Variants in POLK observed in about 807,000 individuals in gnomAD.
The protein encoded by POLK is DNA polymerase kappa.
Under a neutral mutation model 94.0 loss-of-function variants are expected in POLK, and 76 were observed. The ratio of observed to expected loss-of-function variants is 0.81; its 90% CI spans 0.67 to 0.98. The LOEUF is 0.98. POLK is among the 50% of genes least tolerant of loss of function. The pLI, the probability that POLK is intolerant of heterozygous loss-of-function variation, is 0.00. For missense variants in POLK, 954 were observed against 1,010.1 expected (o/e 0.94, Z 0.75); for synonymous variants, 349 against 325.4 (o/e 1.07, Z -0.78).
intron 1 of POLK, among the ~76,000 whole-genome samples, chr5:75,542,913 A>G (rs1421940989): frequency 6.7e-6 from 1 of 148,152 alleles, no homozygotes; most frequent in African/African-American, 2.5e-5. Context: ...GGGTTTCACC[A>G]TATTGGCCAG....
At chr5:75,577,125 A>G (rs1039270860) in intron 6 of POLK, among the ~76,000 whole-genome samples, 192 bp downstream of exon 6, 1 of 152,238 alleles carries the variant, frequency 6.6e-6, no homozygotes, top group Non-Finnish European at 1.5e-5. Context: ...GGAATATCAC[A>G]TATAAACAAA....
intron 2 of POLK, among the ~76,000 whole-genome samples, chr5:75,549,717 T>C (rs551731073): frequency 2.6e-5 from 4 of 152,114 alleles, no homozygotes; most frequent in Non-Finnish European, 5.9e-5. Context: ...AAAACTCTTA[T>C]CAGAAAATTT....
At chr5:75,543,205 G>A (rs1769842789) in intron 1 of POLK, among the ~76,000 whole-genome samples, 1 of 150,964 alleles carries the variant, frequency 6.6e-6, no homozygotes, top group South Asian at 2.1e-4. Flanking sequence ...ACCACACCCA[G>A]CTAATTTTGT....
chr5:75,511,819 G>C lies in POLK; in HGVS notation c.-109G>C, dbSNP rs768787922. 3.2e-6 allele frequency: 5 copies of C among 1,551,274 alleles called. No individual in the cohort carries two copies. Among genetic ancestry groups the C allele is most frequent in the Non-Finnish European group, 4.4e-6 (5 of 1,146,868 alleles). On this transcript the variant is annotated 5_prime_UTR_variant, in exon 1 of 15. Coordinates refer to ENST00000241436, the Ensembl canonical transcript of POLK. ...AGGAGGAGCGGAGAAAGGAGAGGGC[G>C]GGGTAGGGATGCAGCTGTGCTGCAT...
At chr5:75,587,792 A>C (rs1772550249) in intron 10 of POLK, among the ~76,000 whole-genome samples, 1 of 152,096 alleles carries the variant, frequency 6.6e-6, no homozygotes, top group African/African-American at 2.4e-5. Flanking sequence ...GTGGTCGCTT[A>C]AACTTTAATC....
At chr5:75,586,765 A>T (rs1205633814) in intron 9 of POLK, among the ~76,000 whole-genome samples, 4 of 152,160 alleles carry the variant, frequency 2.6e-5, no homozygotes, top group Non-Finnish European at 4.4e-5. Context: ...CAGGTTTTTA[A>T]TAGAAGCAAT....
intron 11 of POLK, among the ~76,000 whole-genome samples, chr5:75,591,228 T>C (rs1176339436): frequency 6.6e-6 from 1 of 152,198 alleles, no homozygotes; most frequent in Non-Finnish European, 1.5e-5. Context: ...TACACTTATT[T>C]GATCTTTACA....
chr5:75,529,290 CTTTT>C (rs1769028608), intron 1 of POLK, among the ~76,000 whole-genome samples: 1 of 152,044 alleles, frequency 6.6e-6, no homozygotes, highest in Non-Finnish European at 1.5e-5. Flanking sequence ...GTGCCACACT[CTTTT>C]TAACAACCAG....
At chr5:75,567,523 T>C (rs1012478068) in intron 3 of POLK, among the ~76,000 whole-genome samples, 8 of 152,218 alleles carry the variant, frequency 5.3e-5, no homozygotes, top group Non-Finnish European at 1.0e-4. Flanking sequence ...CTACTAGTAC[T>C]CCTTTCACTT....
In POLK at chr5:75,589,892, C is replaced by G. The variant is rs969213287; in HGVS notation, c.1260-452C>G. Reference sequence around the variant, plus strand: ...TTCAGCTGTCTATTAAACAACTCTGCGTAGGTTCCATGAGCCAACCCCTTA... The same window carrying G: ...TTCAGCTGTCTATTAAACAACTCTGGGTAGGTTCCATGAGCCAACCCCTTA... On this transcript the variant is annotated intron_variant, in intron 10 of 14. Coordinates refer to ENST00000241436, the Ensembl canonical transcript of POLK. Among the ~76,000 whole-genome samples the G allele has an allele frequency of 2.6e-5, 4 of 152,272 alleles. No individual in the cohort carries two copies. In the South Asian group the frequency reaches 6.2e-4, roughly 24 times the overall value.
chr5:75,570,537 T>C (rs1771536540), intron 4 of POLK, among the ~76,000 whole-genome samples: 1 of 152,182 alleles, frequency 6.6e-6, no homozygotes, highest in African/African-American at 2.4e-5. Flanking sequence ...CCAACCCTAG[T>C]TCTGGAATAA....
At chr5:75,544,141 C>T (rs1448693829) in intron 1 of POLK, among the ~76,000 whole-genome samples, 3 of 152,166 alleles carry the variant, frequency 2.0e-5, no homozygotes, top group African/African-American at 7.2e-5. Flanking sequence ...CCGGCCTCTT[C>T]TCAAGAGTTT....
At chr5:75,591,877 A>G (rs1466607099) in intron 11 of POLK, among the ~76,000 whole-genome samples, 4 of 152,172 alleles carry the variant, frequency 2.6e-5, no homozygotes, top group Non-Finnish European at 5.9e-5. Flanking sequence ...CCTTCTCATA[A>G]CATCCTATCA....
chr5:75,589,119 C>T (rs1772617897), intron 10 of POLK, among the ~76,000 whole-genome samples: 1 of 151,948 alleles, frequency 6.6e-6, no homozygotes. Flanking sequence ...TGTCATTTTA[C>T]ATATATACAG....
chr5:75,602,308 C>T (rs187774212), downstream of POLK, among the ~76,000 whole-genome samples: 19 of 152,280 alleles, frequency 1.2e-4, no homozygotes, highest in Admixed American at 1.1e-3. Context: ...AACAGACATT[C>T]GCCATGATTC....
chr5:75,512,975 A>C (rs188346240), intron 1 of POLK: 2 of 152,208 alleles, frequency 1.3e-5, no homozygotes, highest in African/African-American at 4.8e-5. Flanking sequence ...TAAAAATACA[A>C]AGATTAGCCG....
At chr5:75,570,027 T>G (rs3094262) in intron 4 of POLK, among the ~76,000 whole-genome samples, 1 of 152,176 alleles carries the variant, frequency 6.6e-6, no homozygotes, top group Non-Finnish European at 1.5e-5. Flanking sequence ...ATTATTTCAT[T>G]ATATATTACA....
At chr5:75,525,461 T>C (rs1768791465) in intron 1 of POLK, among the ~76,000 whole-genome samples, 1 of 151,212 alleles carries the variant, frequency 6.6e-6, no homozygotes, top group Non-Finnish European at 1.5e-5. Flanking sequence ...CAATACAAAA[T>C]AACCAATATG....
exon 13 of POLK, chr5:75,596,985 C>G (rs769716573): frequency 1.2e-6 from 2 of 1,613,778 alleles, no homozygotes; most frequent in Non-Finnish European, 1.7e-6. Flanking sequence ...AAGAATACCG[C>G]CAGCCTTACT....
Sources: gnomAD v4.1 joint callset for allele counts (sites outside exome capture counted in the v4.1 genomes callset) on GRCh38, gnomAD v4.1.1 for gene constraint, MANE v1.5 for transcripts, NCBI Gene and HGNC (gene_info 2026-07-23, HGNC 2026-07-21) for gene names.